FMNL2: variants seen among roughly 807,000 people sequenced by gnomAD.
FMNL2 encodes formin like 2.
Under a neutral mutation model 130.2 loss-of-function variants are expected in FMNL2, and 51 were observed. That is an observed-to-expected ratio of 0.39 (90% CI 0.31 to 0.49). The LOEUF (loss-of-function observed/expected upper bound fraction) is 0.49, where lower values mean the gene tolerates loss of function less well. FMNL2 is among the 20% of genes least tolerant of loss of function. FMNL2 has a pLI of 0.85. For missense variants in FMNL2, 977 were observed against 1,316.2 expected (o/e 0.74, Z 3.99); for synonymous variants, 465 against 467.1 (o/e 1.00, Z 0.06).
chr2:152,335,583 C>G lies in FMNL2; in HGVS notation c.-21C>G, dbSNP rs752924737. 15 of 1,571,718 alleles carry G rather than the reference C, an allele frequency of 9.5e-6. No homozygotes were observed. In the Admixed American group the frequency reaches 1.7e-4, roughly 18 times the overall value. ...CACGCTAGGGGCCCGGAGCAGCCCC[C>G]GGCCCCGGCGCGCCGCCGACATGGG... On this transcript the variant is annotated 5_prime_UTR_variant, in exon 1 of 26. Transcript: ENST00000288670.
Position 152,396,565 on chromosome 2 carries a change from A to G in FMNL2, c.117+60845A>G, listed in dbSNP as rs552883203. ...GAGAGCCTGTGAGGTCCTGGCTTAG[A>G]TGAGTCCTGCATATCAGGGCAAACT... On this transcript the variant is annotated intron_variant, in intron 1 of 25. Coordinates refer to ENST00000288670, the MANE Select transcript of FMNL2 (RefSeq NM_052905.4). 2.6e-5 allele frequency among the ~76,000 whole-genome samples: 4 copies of G among 152,350 alleles called. No homozygotes were observed. The South Asian group carries it at 8.3e-4, about 32-fold the overall frequency.
At chr2:152,564,082 C>T (rs1695678012) in intron 6 of FMNL2, among the ~76,000 whole-genome samples, 1 of 152,062 alleles carries the variant, frequency 6.6e-6, no homozygotes, top group Admixed American at 6.6e-5. Context: ...AACTTTGATA[C>T]ACTCTGTTAT....
At chr2:152,645,437 TAAA>T in intron 25 of FMNL2, 1 of 1,288,532 alleles carries the variant, frequency 7.8e-7, no homozygotes, top group Non-Finnish European at 1.0e-6. Flanking sequence ...TGTTTAGCCT[TAAA>T]GAAGAATAAT....
chr2:152,374,394 G>GCCTTTAGCACGCAGATTT (rs2105871707), intron 1 of FMNL2, among the ~76,000 whole-genome samples: 1 of 152,204 alleles, frequency 6.6e-6, no homozygotes, highest in East Asian at 1.9e-4. Flanking sequence ...ATTAATTGTG[G>GCCTTTAGCACGCAGATTT]CCTTTAGCAC....
At chr2:152,406,186 G>A (rs1401050116) in intron 1 of FMNL2, among the ~76,000 whole-genome samples, 1 of 152,182 alleles carries the variant, frequency 6.6e-6, no homozygotes, top group Non-Finnish European at 1.5e-5. Flanking sequence ...CTGCAATGTG[G>A]TTAAATCCTT....
chr2:152,619,214 T>C, intron 14 of FMNL2, 56 bp downstream of exon 14: 1 of 1,495,512 alleles, frequency 6.7e-7, no homozygotes, highest in Non-Finnish European at 8.9e-7. Flanking sequence ...TATTTCTTCT[T>C]TTGCCAACTG....
intron 1 of FMNL2, among the ~76,000 whole-genome samples, chr2:152,488,374 T>C (rs1690957126): frequency 6.6e-6 from 1 of 152,234 alleles, no homozygotes; most frequent in African/African-American, 2.4e-5. Flanking sequence ...TTTAGCTACT[T>C]AAGCCTAGGT....
intron 23 of FMNL2, among the ~76,000 whole-genome samples, chr2:152,638,674 A>C (rs1682826051): frequency 6.6e-6 from 1 of 152,192 alleles, no homozygotes; most frequent in Non-Finnish European, 1.5e-5. Context: ...AACACAGCAC[A>C]AACTCCGTGT....
chr2:152,396,778 T>C (rs910891675), intron 1 of FMNL2, among the ~76,000 whole-genome samples: 4 of 152,246 alleles, frequency 2.6e-5, no homozygotes, highest in Admixed American at 1.3e-4. Flanking sequence ...CTTAAATTCA[T>C]GCTCATGTGA....
chr2:152,395,913 C>T (rs1226678888), intron 1 of FMNL2, among the ~76,000 whole-genome samples: 1 of 148,816 alleles, frequency 6.7e-6, no homozygotes, highest in East Asian at 2.0e-4. Flanking sequence ...GGGGGCGGGG[C>T]GGCGGCAGGC....
At chr2:152,336,161 C>A (rs1216599787) in intron 1 of FMNL2, among the ~76,000 whole-genome samples, 2 of 152,048 alleles carry the variant, frequency 1.3e-5, no homozygotes, top group African/African-American at 4.8e-5. Flanking sequence ...GGCGGCCAGC[C>A]CGGGACCTGC....
At chr2:152,551,039 T>C (rs2346184) in intron 4 of FMNL2, among the ~76,000 whole-genome samples, 83,195 of 150,346 alleles carry the variant, frequency 0.55, 23,874 homozygotes, top group Non-Finnish European at 0.64. Context: ...CTTGGGAGGC[T>C]GAGGCAGGAG....
At chr2:152,587,017 T>G (rs1246052884) in intron 9 of FMNL2, among the ~76,000 whole-genome samples, 1 of 152,182 alleles carries the variant, frequency 6.6e-6, no homozygotes, top group African/African-American at 2.4e-5. Context: ...TACCTAGTTT[T>G]TGAGCTATGA....
chr2:152,417,169 A>G (rs1016525806), intron 1 of FMNL2, among the ~76,000 whole-genome samples: 1 of 152,218 alleles, frequency 6.6e-6, no homozygotes, highest in African/African-American at 2.4e-5. Context: ...TAGACGTTCA[A>G]ATCTGACATG....
chr2:152,556,556 G>A (rs1389865301), intron 4 of FMNL2, among the ~76,000 whole-genome samples: 1 of 152,186 alleles, frequency 6.6e-6, no homozygotes, highest in Non-Finnish European at 1.5e-5. Flanking sequence ...TAAAACGTAT[G>A]CATATTAGCA....
chr2:152,581,058 C>T lies in FMNL2; in HGVS notation c.876+9C>T. 5.0e-6 allele frequency: 8 copies of T among 1,610,690 alleles called. No individual in the cohort carries two copies. Among genetic ancestry groups the T allele is most frequent in the Non-Finnish European group, 6.8e-6 (8 of 1,177,690 alleles). ...TTGATAACTTTAAAGAGGTAGGCTA[C>T]ACTATAGTTTTCATAAGAATACTCA... On this transcript the variant is annotated intron_variant, in intron 9 of 25. Transcript: ENST00000288670.
chr2:152,506,113 T>C (rs1297855501), intron 1 of FMNL2, among the ~76,000 whole-genome samples: 1 of 152,212 alleles, frequency 6.6e-6, no homozygotes, highest in East Asian at 1.9e-4. Context: ...GATAGCCTGG[T>C]TACATGGAAC....
chr2:152,508,487 G>T (rs1259581169), intron 1 of FMNL2, among the ~76,000 whole-genome samples: 5 of 152,212 alleles, frequency 3.3e-5, no homozygotes, highest in Non-Finnish European at 7.3e-5. Flanking sequence ...GAAGTGCGTT[G>T]CATTAGCCCT....
chr2:152,364,288 T>G lies in FMNL2; in HGVS notation c.117+28568T>G, dbSNP rs1228984579. Among the ~76,000 whole-genome samples the G allele has an allele frequency of 6.2e-5, 9 of 144,276 alleles. No homozygotes were observed. The East Asian group carries it at 1.2e-3, about 19-fold the overall frequency. 94.7% of individuals were successfully genotyped at this position (144,276 alleles called of 152,430 possible). ...TTTTTTTTTTTTTTTTTTTTTTTTT[T>G]TTTTACCAGATCCTTAGATATTAAG... On this transcript the variant is annotated intron_variant, in intron 1 of 25. Coordinates refer to ENST00000288670, the MANE Select transcript of FMNL2 (RefSeq NM_052905.4).
Sources: allele counts gnomAD v4.1 joint callset (sites outside exome capture counted in the v4.1 genomes callset), GRCh38; gene constraint gnomAD v4.1.1; transcripts MANE v1.5; gene names NCBI Gene and HGNC (gene_info 2026-07-23, HGNC 2026-07-21).